The following SH3RF3 variants were observed in gnomAD, a reference collection of about 807,000 sequenced individuals.
SH3RF3 encodes the protein SH3 domain containing ring finger 3, also known as E3 ubiquitin-protein ligase SH3RF3.
SH3RF3 carries 29 observed loss-of-function variants against 66.3 expected under a neutral mutation model. The observed-to-expected ratio is 0.44, with a 90% confidence interval of 0.33 to 0.60. SH3RF3 has a LOEUF of 0.60. SH3RF3 is among the 20% of genes least tolerant of loss of function. SH3RF3 has a pLI of 0.04. For missense variants in SH3RF3, 1,194 were observed against 1,190.9 expected, an observed-to-expected ratio of 1.00 and a Z score of -0.04; for synonymous variants, 583 against 532.0, an observed-to-expected ratio of 1.10 and a Z score of -1.32.
At chr2:109,373,564 C>T (rs989114812) in intron 3 of SH3RF3, among the ~76,000 whole-genome samples, 1 of 151,982 alleles carries the variant, frequency 6.6e-6, no homozygotes, top group South Asian at 2.1e-4. Context: ...AAGTAAATGC[C>T]GTATGGGTTT....
rs144805521 is a variant in SH3RF3 at position 109,499,396 on chromosome 2, C to T, written c.2481-2107C>T. Among the ~76,000 whole-genome samples the T allele has an allele frequency of 1.5e-4, 23 of 152,350 alleles. No individual in the cohort carries two copies. In the East Asian group the frequency reaches 3.3e-3, roughly 22 times the overall value. ...ACCCTGCCTGCCACAAAATCCACCA[C>T]ATGTGGGATCTGGGCTTTAGATGTG... On this transcript the variant is annotated intron_variant, in intron 9 of 9. Coordinates refer to ENST00000309415, the MANE Select transcript of SH3RF3 (RefSeq NM_001099289.3).
intron 1 of SH3RF3, among the ~76,000 whole-genome samples, chr2:109,183,436 A>G (rs1678114722): frequency 1.3e-5 from 2 of 152,156 alleles, no homozygotes; most frequent in African/African-American, 2.4e-5. Context: ...CTAGATGCAT[A>G]TAGTAGTTCA....
intron 1 of SH3RF3, among the ~76,000 whole-genome samples, chr2:109,181,104 TGAG>T (rs1419027288): frequency 4.2e-4 from 64 of 152,240 alleles, no homozygotes; most frequent in South Asian, 6.2e-4. Flanking sequence ...GTGGAGGTGG[TGAG>T]GAGAAGTGAT....
chr2:109,172,276 C>T (rs995823424), intron 1 of SH3RF3, among the ~76,000 whole-genome samples: 4 of 152,320 alleles, frequency 2.6e-5, no homozygotes, highest in Middle Eastern at 3.4e-3. Context: ...GCAACAGCTG[C>T]GTGTGGCCTG....
At position 109,244,616 on chromosome 2, in the gene SH3RF3, G is replaced by A. The variant is rs79181966; in HGVS notation, c.574-103058G>A. ...AGCTGGCAGGATGAGGAAAACCCAA[G>A]AATGCCAGTTAGCAGGAGAAGATAT... is the stretch of plus-strand genomic sequence containing the variant. On this transcript the variant is annotated intron_variant, in intron 1 of 9. Coordinates refer to ENST00000309415, the MANE Select transcript of SH3RF3 (RefSeq NM_001099289.3). Among the ~76,000 whole-genome samples the A allele has an allele frequency of 1.9e-3, 291 of 152,344 alleles. 5 individuals carry two copies. Among genetic ancestry groups the A allele is most frequent in the Admixed American group, 0.015 (234 of 15,312 alleles).
intron 8 of SH3RF3, among the ~76,000 whole-genome samples, chr2:109,490,001 T>G (rs1283567750): frequency 2.6e-5 from 4 of 152,122 alleles, no homozygotes; most frequent in East Asian, 1.9e-4. Flanking sequence ...GCCTCCCAAA[T>G]TGCTGAGATT....
intron 1 of SH3RF3, among the ~76,000 whole-genome samples, chr2:109,199,039 G>A (rs1489979578): frequency 2.0e-5 from 3 of 152,092 alleles, no homozygotes; most frequent in Non-Finnish European, 2.9e-5. Flanking sequence ...ACCGTCTTGA[G>A]TTTTTCTACA....
intron 1 of SH3RF3, among the ~76,000 whole-genome samples, chr2:109,159,718 C>T (rs527658101): frequency 6.6e-6 from 1 of 152,296 alleles, no homozygotes; most frequent in South Asian, 2.1e-4. Context: ...CTCCCATTAC[C>T]GCTTGATTTC....
chr2:109,436,176 A>ATG (rs1677392537), intron 6 of SH3RF3, among the ~76,000 whole-genome samples: 1 of 152,208 alleles, frequency 6.6e-6, no homozygotes, highest in African/African-American at 2.4e-5. Flanking sequence ...TCTTGGACAA[A>ATG]TGGAAGACAT....
chr2:109,129,419 C>T lies in SH3RF3; in HGVS notation c.-122C>T. ...ACAGCCCTAGCATCGGGCCACCAGCCGGGGTGAAGAAAGTCACGGCGGAGC... is the reference window on the plus strand; with the variant it reads ...ACAGCCCTAGCATCGGGCCACCAGCTGGGGTGAAGAAAGTCACGGCGGAGC... On this transcript the variant is annotated 5_prime_UTR_variant, in exon 1 of 10. Coordinates refer to ENST00000309415, the MANE Select transcript of SH3RF3 (RefSeq NM_001099289.3). 6.9e-7 allele frequency: 1 copy of T among 1,459,366 alleles called. No homozygotes were observed. The highest frequency in any genetic ancestry group is 9.1e-7 in the Non-Finnish European group (1 of 1,094,302). The allele number at this position is 1,459,366 out of a possible 1,614,324, so 90.4% of individuals were successfully genotyped here.
At chr2:109,323,614 A>T (rs546958142) in intron 1 of SH3RF3, among the ~76,000 whole-genome samples, 15 of 151,868 alleles carry the variant, frequency 9.9e-5, no homozygotes, top group African/African-American at 3.1e-4. Context: ...GGGGCTGGAG[A>T]CTCCTGATGT....
chr2:109,239,647 G>A (rs1574522283), intron 1 of SH3RF3, among the ~76,000 whole-genome samples: 1 of 152,166 alleles, frequency 6.6e-6, no homozygotes, highest in African/African-American at 2.4e-5. Flanking sequence ...AAGAGAGGCC[G>A]ATGAAGCCAC....
At chr2:109,176,557 C>T (rs1677920161) in intron 1 of SH3RF3, among the ~76,000 whole-genome samples, 1 of 152,082 alleles carries the variant, frequency 6.6e-6, no homozygotes, top group Non-Finnish European at 1.5e-5. Context: ...CATAATGAGA[C>T]CCTATCCCTA....
chr2:109,298,580 G>A (rs1248364729), intron 1 of SH3RF3, among the ~76,000 whole-genome samples: 2 of 152,084 alleles, frequency 1.3e-5, no homozygotes, highest in Non-Finnish European at 2.9e-5. Flanking sequence ...GCAGGAGGAT[G>A]AGCCCCGGGG....
At chr2:109,336,426 G>A (rs1033796936) in intron 1 of SH3RF3, among the ~76,000 whole-genome samples, 2 of 152,206 alleles carry the variant, frequency 1.3e-5, no homozygotes, top group African/African-American at 4.8e-5. Flanking sequence ...ATTTGGAAGG[G>A]AAGCTGCCAC....
At chr2:109,156,447 A>C (rs1677346724) in intron 1 of SH3RF3, among the ~76,000 whole-genome samples, 1 of 151,230 alleles carries the variant, frequency 6.6e-6, no homozygotes, top group Non-Finnish European at 1.5e-5. Flanking sequence ...ATGAATTTTA[A>C]GGTTTTTTTT....
intron 1 of SH3RF3, among the ~76,000 whole-genome samples, chr2:109,209,541 T>G (rs775609476): frequency 6.6e-6 from 1 of 152,132 alleles, no homozygotes; most frequent in Admixed American, 6.5e-5. Flanking sequence ...CAGTGTGTTA[T>G]CTGAGGAAAG....
chr2:109,424,790 C>T (rs540177605), intron 5 of SH3RF3, among the ~76,000 whole-genome samples: 3 of 152,172 alleles, frequency 2.0e-5, no homozygotes, highest in Admixed American at 1.3e-4. Flanking sequence ...CCCAGGCCTA[C>T]CTTTTCCCTT....
chr2:109,342,418 A>G (rs981116891), intron 1 of SH3RF3, among the ~76,000 whole-genome samples: 3 of 152,214 alleles, frequency 2.0e-5, no homozygotes, highest in African/African-American at 4.8e-5. Flanking sequence ...AGCATCCAAC[A>G]GTGAGCAAAA....
Sources: gnomAD v4.1 joint callset for allele counts (sites outside exome capture counted in the v4.1 genomes callset) on GRCh38, gnomAD v4.1.1 for gene constraint, MANE v1.5 for transcripts, NCBI Gene and HGNC (gene_info 2026-07-23, HGNC 2026-07-21) for gene names.